CES2: variants seen among roughly 807,000 people sequenced by gnomAD.
The protein encoded by CES2 is carboxylesterase 2.
CES2 carries 42 observed loss-of-function variants against 52.1 expected under a neutral mutation model. That is an observed-to-expected ratio of 0.81 (90% CI 0.63 to 1.04). The LOEUF is 1.04. Among genes scored for constraint, CES2 ranks in the 50% least tolerant of loss-of-function variants. The probability of loss-of-function intolerance (pLI) is 0.00; values close to 1 mark genes in which losing one functional copy is unlikely to be tolerated. For missense variants in CES2, 656 were observed against 724.3 expected, an observed-to-expected ratio of 0.91 and a Z score of 1.08; for synonymous variants, 277 against 289.6, an observed-to-expected ratio of 0.96 and a Z score of 0.44.
intron 1 of CES2, among the ~76,000 whole-genome samples, chr16:66,937,300 C>T (rs1049239688): frequency 6.6e-6 from 1 of 152,206 alleles, no homozygotes; most frequent in Admixed American, 6.5e-5. Flanking sequence ...CTGGCTTCTC[C>T]TCAGGGGCCA....
chr16:66,943,665 C>A lies in CES2; in HGVS notation c.1494-174C>A. On this transcript the variant is annotated intron_variant, in intron 11 of 11. Transcript: ENST00000317091. This position sits in a 1 kb window ranked among gnomAD's most constrained non-coding sequence, Gnocchi z 4.2. ...TGCCCTCCCCCAACCCCCACTGGTG[C>A]TGACACTAGCCAGAGGGAGCTTATT... 1 of 595,970 alleles carries A rather than the reference C, an allele frequency of 1.7e-6. No individual in the cohort carries two copies. Among genetic ancestry groups the A allele is most frequent in the Non-Finnish European group, 2.9e-6 (1 of 340,106 alleles). 36.9% of individuals were successfully genotyped at this position (595,970 alleles called of 1,614,324 possible).
rs1963352784 is a variant in CES2 at position 66,941,130 on chromosome 16, G to A, written c.823G>A (p.Ala275Thr). The A allele has an allele frequency of 6.2e-7, 1 of 1,613,818 alleles. No homozygotes were observed. Among genetic ancestry groups the A allele is most frequent in the African/African-American group, 1.3e-5 (1 of 74,928 alleles). The change falls in exon 6 of 12, where the codon GCC becomes ACC. Residue 275 changes from alanine (A) to threonine (T), a missense_variant. Ala to Thr is a moderately conservative substitution (Grantham distance 58, BLOSUM62 0). Transcript: ENST00000317091. ...SSADVISTVVANLSACDQVDS... is the reference protein window; with the variant it reads ...SSADVISTVVTNLSACDQVDS... ...CTGCCTGGTCCCTTTACAGGTGGTG[G>A]CCAACCTGTCTGCCTGTGACCAAGT...
Position 66,944,087 on chromosome 16 carries a change from C to A in CES2, c.*62C>A. 1.3e-6 allele frequency: 1 copy of A among 783,546 alleles called. No individual in the cohort carries two copies. The highest frequency in any genetic ancestry group is 1.9e-6 in the Non-Finnish European group (1 of 513,012). 48.5% of individuals were successfully genotyped at this position (783,546 alleles called of 1,614,324 possible). The stretch of plus-strand genomic sequence containing the variant: ...CAGGCGAGGGTCAGCCTGCTGTGCC[C>A]ACACACACCCACTAAGGAGAAAGAA... On this transcript the variant is annotated 3_prime_UTR_variant, in exon 12 of 12. Coordinates refer to ENST00000317091, the MANE Select transcript of CES2 (RefSeq NM_001365405.1).
chr16:66,934,526 C>G (rs1963152202), upstream of CES2: 1 of 1,140,570 alleles, frequency 8.8e-7, no homozygotes, highest in Non-Finnish European at 1.2e-6. This position sits in a 1 kb window ranked among gnomAD's most constrained non-coding sequence, Gnocchi z 4.1. Context: ...GTGACCGCGG[C>G]CCTGGCTGCT....
In CES2 at chr16:66,940,503, C is replaced by G. The variant is rs957447788; in HGVS notation, c.624C>G (p.Val208=). The G allele has an allele frequency of 3.1e-6, 5 of 1,614,230 alleles. No homozygotes were observed. Among genetic ancestry groups the G allele is most frequent in the Non-Finnish European group, 4.2e-6 (5 of 1,180,034 alleles). The part of the protein sequence containing the change: ...YLDQVAALRW[V]QQNIAHFGGN... ...ACCAAGTGGCTGCACTACGCTGGGT[C>G]CAGCAGAATATCGCCCACTTTGGAG... Residue 208 remains valine (V), a synonymous_variant, in exon 5 of 12, where the codon GTC becomes GTG. Transcript: ENST00000317091.
chr16:66,937,941 G>A (rs1963252876), intron 1 of CES2, 96 bp from the exon 2 acceptor site: 2 of 986,034 alleles, frequency 2.0e-6, no homozygotes, highest in Non-Finnish European at 3.2e-6. Context: ...AGTCCCTTGA[G>A]CTAAGATGAG....
Position 66,943,160 on chromosome 16 carries a change from G to A in CES2, c.1421-139G>A, listed in dbSNP as rs1013357170. 3 of 865,376 alleles carry A rather than the reference G, an allele frequency of 3.5e-6. No individual in the cohort carries two copies. Among genetic ancestry groups the A allele is most frequent in the African/African-American group, 1.7e-5 (1 of 58,920 alleles). The allele number at this position is 865,376 out of a possible 1,614,324, so 53.6% of individuals were successfully genotyped here. A position where few individuals can be genotyped will look rare whatever the true frequency, so the allele number is the denominator to read the frequency against. ...CAGGGAAAGTTTGGAAAAGGGGAGG[G>A]CTGGCTTCTGAGGGCAGTGGAAGAA... On this transcript the variant is annotated intron_variant, in intron 10 of 11. Transcript: ENST00000317091. The surrounding 1 kb of genome is among the most constrained non-coding windows in gnomAD (Gnocchi z 4.2).
Position 66,938,258 on chromosome 16 carries a change from G to A in CES2, c.281+17G>A. 1 of 1,596,684 alleles carries A rather than the reference G, an allele frequency of 6.3e-7. No individual in the cohort carries two copies. Among genetic ancestry groups the A allele is most frequent in the Non-Finnish European group, 8.6e-7 (1 of 1,164,204 alleles). The stretch of plus-strand genomic sequence containing the variant: ...TCCGGCCATGTAAGCTCTCCAAGGG[G>A]TCCAGGGAACTCCAGGCCCTGGGGC... On this transcript the variant is annotated intron_variant, in intron 2 of 11. Coordinates refer to ENST00000317091, the MANE Select transcript of CES2 (RefSeq NM_001365405.1).
At chr16:66,938,836 C>T (rs1597006187) in intron 2 of CES2, among the ~76,000 whole-genome samples, 1 of 152,316 alleles carries the variant, frequency 6.6e-6, no homozygotes, top group East Asian at 1.9e-4. Context: ...GAGAAATTAA[C>T]ATCCATTCAC....
chr16:66,936,666 G>T lies in CES2; in HGVS notation c.76+955G>T, dbSNP rs529662430. ...TCCAGGCCCTTATCAGAAGCTGGGG[G>T]AGTGTTTCGGCCTTTGGTCCTCTCA... On this transcript the variant is annotated intron_variant, in intron 1 of 11. Transcript: ENST00000317091. 2.0e-4 allele frequency among the ~76,000 whole-genome samples: 30 copies of T among 152,322 alleles called. 1 individual carries two copies. Among genetic ancestry groups the T allele is most frequent in the Middle Eastern group, 3.4e-3 (1 of 294 alleles).
At position 66,943,772 on chromosome 16, in the gene CES2, C is replaced by A; in HGVS notation, c.1494-67C>A. On this transcript the variant is annotated intron_variant, in intron 11 of 11. Transcript: ENST00000317091. The surrounding 1 kb of genome is among the most constrained non-coding windows in gnomAD (Gnocchi z 4.2). ...GCCTTGCCTGACCAGACTCAGGGTG[C>A]TCAGGTCTGGGCTTCGGGGGCCCAG... 7.3e-7 allele frequency: 1 copy of A among 1,366,114 alleles called. No individual in the cohort carries two copies. The highest frequency in any genetic ancestry group is 1.0e-6 in the Non-Finnish European group (1 of 998,682). 84.6% of individuals were successfully genotyped at this position (1,366,114 alleles called of 1,614,324 possible).
rs575806213 is a variant in CES2 at position 66,944,154 on chromosome 16, T to C, written c.*129T>C. On this transcript the variant is annotated 3_prime_UTR_variant, in exon 12 of 12. Transcript: ENST00000317091. ...ACTTCGCCATTCATTCATACTTCCG[T>C]CCATCCATTCAGAAAGCATTTATTA... 6 of 521,710 alleles carry C rather than the reference T, an allele frequency of 1.2e-5. No homozygotes were observed. Among genetic ancestry groups the C allele is most frequent in the African/African-American group, 7.7e-5 (4 of 51,976 alleles). 32.3% of individuals were successfully genotyped at this position (521,710 alleles called of 1,614,324 possible).
Position 66,943,911 on chromosome 16 carries a change from A to G in CES2, c.1566A>G (p.Leu522=), listed in dbSNP as rs1345583751. The change falls in exon 12 of 12, where the codon CTA becomes CTG. Residue 522 remains leucine, a synonymous_variant. Coordinates refer to ENST00000317091, the MANE Select transcript of CES2 (RefSeq NM_001365405.1). This position sits in a 1 kb window ranked among gnomAD's most constrained non-coding sequence, Gnocchi z 4.2. ...AGGAGCAATACCTGCAGCTGAACCT[A>G]CAGCCTGCGGTGGGCCGGGCTCTGA... is the stretch of plus-strand genomic sequence containing the variant. ...DQEEQYLQLN[L]QPAVGRALKA... 6.2e-7 allele frequency: 1 copy of G among 1,610,398 alleles called. No homozygotes were observed. Among genetic ancestry groups the G allele is most frequent in the Admixed American group, 1.7e-5 (1 of 59,914 alleles).
rs930400558 is a variant in CES2, at chr16:66,943,684, G to C, written c.1494-155G>C. On this transcript the variant is annotated intron_variant, in intron 11 of 11. Coordinates refer to ENST00000317091, the MANE Select transcript of CES2 (RefSeq NM_001365405.1). This position sits in a 1 kb window ranked among gnomAD's most constrained non-coding sequence, Gnocchi z 4.2. ...CTGGTGCTGACACTAGCCAGAGGGA[G>C]CTTATTTCCTGTTTCTGGAAGCCTC... 1.3e-4 allele frequency: 78 copies of C among 617,574 alleles called. No individual in the cohort carries two copies. Among genetic ancestry groups the C allele is most frequent in the Non-Finnish European group, 1.9e-4 (69 of 356,012 alleles). 38.3% of individuals were successfully genotyped at this position (617,574 alleles called of 1,614,324 possible). A position where few individuals can be genotyped will look rare whatever the true frequency, so the allele number is the denominator to read the frequency against.
At position 66,942,185 on chromosome 16, in the gene CES2, G is replaced by A. The variant is rs1474711633; in HGVS notation, c.1218G>A (p.Gln406=). The A allele has an allele frequency of 1.2e-6, 2 of 1,613,808 alleles. No individual in the cohort carries two copies. The highest frequency in any genetic ancestry group is 1.7e-6 in the Non-Finnish European group (2 of 1,179,844). ...DNGDPQTLQA[Q]FQEMMADSMF... Reference sequence around the variant, plus strand: ...GGGATCCCCAGACCCTCCAAGCGCAGTTCCAGGAGATGATGGCGGACTCCA... The same window carrying A: ...GGGATCCCCAGACCCTCCAAGCGCAATTCCAGGAGATGATGGCGGACTCCA... Residue 406 remains glutamine (Q), a synonymous_variant, in exon 9 of 12, where the codon CAG becomes CAA. Transcript: ENST00000317091.
rs761249471 is a variant in CES2 at position 66,939,252 on chromosome 16, T to G, written c.317T>G (p.Phe106Cys). 6 of 1,613,620 alleles carry G rather than the reference T, an allele frequency of 3.7e-6. No individual in the cohort carries two copies. Among genetic ancestry groups the G allele is most frequent in the Non-Finnish European group, 5.1e-6 (6 of 1,179,756 alleles). ...LQDLTAVESE[F>C]LSQFNMTFPS... ...GACCTCACCGCAGTGGAGTCAGAGT[T>G]TCTTAGCCAGTTCAACATGACCTTC... Residue 106 changes from phenylalanine (F) to cysteine (C), a missense_variant, in exon 3 of 12, where the codon TTT becomes TGT. By Grantham distance (205) the Phe-to-Cys change is radical (BLOSUM62 -2). Transcript: ENST00000317091.
At position 66,938,174 on chromosome 16, in the gene CES2, C is replaced by A. The variant is rs28382815; in HGVS notation, c.214C>A (p.Arg72=). 9.3e-6 allele frequency: 15 copies of A among 1,614,016 alleles called. No individual in the cohort carries two copies. The highest frequency in any genetic ancestry group is 5.9e-6 in the Non-Finnish European group (7 of 1,180,000). The change falls in exon 2 of 12, where the codon CGA becomes AGA. Residue 72 remains arginine (R), a synonymous_variant. Coordinates refer to ENST00000317091, the MANE Select transcript of CES2 (RefSeq NM_001365405.1). Reference sequence around the variant, plus strand: ...TGCCAAGCCACCTCTAGGTCCGCTGCGATTTGCACCCCCTGAGCCCCCTGA... The same window carrying A: ...TGCCAAGCCACCTCTAGGTCCGCTGAGATTTGCACCCCCTGAGCCCCCTGA... The part of the protein sequence containing the change: ...PFAKPPLGPL[R]FAPPEPPESW...
intron 1 of CES2, chr16:66,935,915 C>T (rs1322105522): frequency 6.9e-7 from 1 of 1,444,440 alleles, no homozygotes; most frequent in African/African-American, 1.4e-5. Context: ...GGCTGGGGGA[C>T]ACCACGGCAA....
chr16:66,942,738 G>A lies in CES2; in HGVS notation c.1373G>A (p.Gly458Asp). The A allele has an allele frequency of 6.2e-7, 1 of 1,614,238 alleles. No homozygotes were observed. The highest frequency in any genetic ancestry group is 1.1e-5 in the South Asian group (1 of 91,080). Residue 458 changes from glycine (G) to aspartate (D), a missense_variant, in exon 10 of 12, where the codon GGT (glycine) becomes GAT (aspartate). Coordinates refer to ENST00000317091, the MANE Select transcript of CES2 (RefSeq NM_001365405.1). The stretch of plus-strand genomic sequence containing the variant: ...CCACCGCACATGAAGGCAGACCATG[G>A]TGATGAGCTTCCTTTTGTTTTCAGA... ...IRPPHMKADH[G>D]DELPFVFRSF...
Sources: allele counts gnomAD v4.1 joint callset (sites outside exome capture counted in the v4.1 genomes callset), GRCh38; gene constraint gnomAD v4.1.1; non-coding constraint Gnocchi (gnomAD v3.1); transcripts MANE v1.5; gene names NCBI Gene and HGNC (gene_info 2026-07-23, HGNC 2026-07-21).